The following GRB14 variants were observed in gnomAD, a reference collection of about 807,000 sequenced individuals.
GRB14 encodes the protein growth factor receptor-bound protein 14.
GRB14 carries 38 observed loss-of-function variants against 69.1 expected under a neutral mutation model. The ratio of observed to expected loss-of-function variants is 0.55; its 90% confidence interval spans 0.42 to 0.72. The LOEUF (loss-of-function observed/expected upper bound fraction) is 0.72. Among genes scored for constraint, GRB14 ranks in the 30% least tolerant of loss-of-function variants. The pLI is 0.00. For synonymous variants in GRB14, 247 were observed against 241.3 expected, an observed-to-expected ratio of 1.02 and a Z score of -0.22; for missense variants, 666 against 666.1, an observed-to-expected ratio of 1.00 and a Z score of 0.00.
intron 2 of GRB14, among the ~76,000 whole-genome samples, chr2:164,584,378 T>C (rs1189923055): frequency 6.6e-6 from 1 of 151,892 alleles, no homozygotes; most frequent in Non-Finnish European, 1.5e-5. Flanking sequence ...TTATTTTAAA[T>C]GAAAATCTGT....
chr2:164,618,155 C>T (rs544255843), intron 2 of GRB14, among the ~76,000 whole-genome samples: 4 of 152,066 alleles, frequency 2.6e-5, no homozygotes, highest in South Asian at 2.1e-4. Flanking sequence ...TTAGTGGAGA[C>T]GGGGTTTTAC....
At chr2:164,585,073 C>T (rs1366853907) in intron 2 of GRB14, among the ~76,000 whole-genome samples, 1 of 141,858 alleles carries the variant, frequency 7.0e-6, no homozygotes, top group African/African-American at 2.7e-5. Context: ...CCCTTCATAC[C>T]ACCATGCCTG....
intron 9 of GRB14, among the ~76,000 whole-genome samples, chr2:164,498,842 T>C (rs1054789481): frequency 1.6e-4 from 24 of 152,318 alleles, no homozygotes; most frequent in African/African-American, 5.3e-4. Context: ...CAAACTATGC[T>C]GTAGTGGCCT....
In GRB14 at chr2:164,493,002, C is replaced by A. The variant is rs749742671; in HGVS notation, c.*34G>T. ...TTTATTATTTTTCTTGAGTCCTTTTCCTTCAATAGTTTAATAAGTCACTTC... is the reference window on the plus strand; with the variant it reads ...TTTATTATTTTTCTTGAGTCCTTTTACTTCAATAGTTTAATAAGTCACTTC... On this transcript the variant is annotated 3_prime_UTR_variant, in exon 14 of 14. Transcript: ENST00000263915. 1.0e-5 allele frequency: 16 copies of A among 1,574,356 alleles called. No individual in the cohort carries two copies. The highest frequency in any genetic ancestry group is 1.3e-5 in the Non-Finnish European group (15 of 1,159,496).
chr2:164,612,363 G>A (rs1217423824), intron 2 of GRB14, among the ~76,000 whole-genome samples: 1 of 152,124 alleles, frequency 6.6e-6, no homozygotes, highest in Non-Finnish European at 1.5e-5. Context: ...TATTTTTTCT[G>A]TGGCTTTGAA....
intron 2 of GRB14, among the ~76,000 whole-genome samples, chr2:164,608,526 A>G (rs892235619): frequency 1.4e-4 from 21 of 152,156 alleles, no homozygotes; most frequent in Non-Finnish European, 1.5e-5. Flanking sequence ...GGAACAAAGC[A>G]AAGTAACCCC....
chr2:164,547,688 A>G lies in GRB14; in HGVS notation c.453T>C (p.Leu151=). The change falls in exon 3 of 14, where the codon CTT becomes CTC. Residue 151 remains leucine, a synonymous_variant. Coordinates refer to ENST00000263915, the MANE Select transcript of GRB14 (RefSeq NM_004490.3). ...NHYIDDHSWT[L]FEHLPHIGVE... is the part of the protein sequence containing the mutation. The stretch of plus-strand genomic sequence containing the variant: ...CACCTATGTGAGGCAGGTGCTCAAA[A>G]AGGGTCCAGCTGTGGTCATCAATGT... 6.2e-7 allele frequency: 1 copy of G among 1,613,682 alleles called. No homozygotes were observed. The highest frequency in any genetic ancestry group is 8.5e-7 in the Non-Finnish European group (1 of 1,179,714).
At chr2:164,560,043 A>T (rs1332844829) in intron 2 of GRB14, among the ~76,000 whole-genome samples, 1 of 152,198 alleles carries the variant, frequency 6.6e-6, no homozygotes, top group Non-Finnish European at 1.5e-5. Context: ...CCCATTTCAC[A>T]AATGAAAAAG....
chr2:164,592,317 G>T (rs1689685368), intron 2 of GRB14, among the ~76,000 whole-genome samples: 1 of 152,082 alleles, frequency 6.6e-6, no homozygotes, highest in Non-Finnish European at 1.5e-5. Flanking sequence ...TGTATTTTTA[G>T]TAGAGACAGG....
rs113161996 is a variant in GRB14 at position 164,505,559 on chromosome 2, A to G, written c.1023+2896T>C. Among the ~76,000 whole-genome samples the G allele has an allele frequency of 1.5e-3, 230 of 152,304 alleles. 1 individual carries two copies. Among genetic ancestry groups the G allele is most frequent in the Non-Finnish European group, 2.1e-3 (140 of 68,020 alleles). On this transcript the variant is annotated intron_variant, in intron 8 of 13. Transcript: ENST00000263915. ...TATCTGTGACTCTGAGATGAAAATG[A>G]TTCAGAAAAGCCAGGCTTAGAATAA...
intron 6 of GRB14, among the ~76,000 whole-genome samples, chr2:164,520,605 C>T (rs1687611829): frequency 6.6e-6 from 1 of 152,062 alleles, no homozygotes; most frequent in South Asian, 2.1e-4. Flanking sequence ...GCAATTTCTA[C>T]ATCTGACAAA....
intron 3 of GRB14, among the ~76,000 whole-genome samples, chr2:164,540,395 G>T (rs1688201013): frequency 6.6e-6 from 1 of 152,094 alleles, no homozygotes; most frequent in South Asian, 2.1e-4. Flanking sequence ...TGGATCATGA[G>T]GTCAGGAGTT....
intron 3 of GRB14, among the ~76,000 whole-genome samples, chr2:164,543,367 T>C (rs939659383): frequency 1.3e-5 from 2 of 150,464 alleles, no homozygotes; most frequent in African/African-American, 4.9e-5. Context: ...AAAAAAAGAA[T>C]GAAATCATGT....
intron 2 of GRB14, among the ~76,000 whole-genome samples, chr2:164,588,575 T>G (rs1445101550): frequency 6.6e-6 from 1 of 152,210 alleles, no homozygotes; most frequent in Non-Finnish European, 1.5e-5. Context: ...CAAATATTTA[T>G]GATGTGTAAC....
Position 164,573,044 on chromosome 2 carries a change from C to T in GRB14, c.325-25228G>A, listed in dbSNP as rs1396939874. Among the ~76,000 whole-genome samples, 2 of 152,178 alleles carry T rather than the reference C, an allele frequency of 1.3e-5. 1 individual carries two copies. The highest frequency in any genetic ancestry group is 4.8e-5 in the African/African-American group (2 of 41,442). ...TTATTCCATCAAGCAGCCATCCCTC[C>T]ATATAAATCATATCACTCCCTGTTT... On this transcript the variant is annotated intron_variant, in intron 2 of 13. Coordinates refer to ENST00000263915, the MANE Select transcript of GRB14 (RefSeq NM_004490.3).
intron 2 of GRB14, among the ~76,000 whole-genome samples, chr2:164,581,105 C>G (rs1363571382): frequency 6.6e-6 from 1 of 152,150 alleles, no homozygotes; most frequent in Non-Finnish European, 1.5e-5. Context: ...CATATACAAA[C>G]CACCCATATT....
chr2:164,602,170 G>T (rs1689930740), intron 2 of GRB14, among the ~76,000 whole-genome samples: 1 of 151,166 alleles, frequency 6.6e-6, no homozygotes, highest in Admixed American at 6.6e-5. Flanking sequence ...GGGAAGAGAA[G>T]GGAAGAGAAG....
At chr2:164,511,297 C>T (rs943546131) in intron 6 of GRB14, among the ~76,000 whole-genome samples, 1 of 152,146 alleles carries the variant, frequency 6.6e-6, no homozygotes, top group African/African-American at 2.4e-5. Context: ...GGAGTCCTTG[C>T]ACTACCCTTC....
chr2:164,547,686 A>T lies in GRB14; in HGVS notation c.455T>A (p.Phe152Tyr), dbSNP rs145697477. The change falls in exon 3 of 14, where the codon TTT (phenylalanine) becomes TAT (tyrosine). Residue 152 changes from phenylalanine to tyrosine, a missense_variant. By Grantham distance (22) the Phe-to-Tyr change is conservative. Coordinates refer to ENST00000263915, the MANE Select transcript of GRB14 (RefSeq NM_004490.3). ...TACACCTATGTGAGGCAGGTGCTCAAAAAGGGTCCAGCTGTGGTCATCAAT... is the reference window on the plus strand; with the variant it reads ...TACACCTATGTGAGGCAGGTGCTCATAAAGGGTCCAGCTGTGGTCATCAAT... ...HYIDDHSWTL[F>Y]EHLPHIGVER... is the part of the protein sequence containing the mutation. The T allele has an allele frequency of 1.5e-5, 24 of 1,613,614 alleles. No homozygotes were observed. The highest frequency in any genetic ancestry group is 1.9e-5 in the Non-Finnish European group (23 of 1,179,750).
Sources: gnomAD v4.1 joint callset for allele counts (sites outside exome capture counted in the v4.1 genomes callset) on GRCh38, gnomAD v4.1.1 for gene constraint, MANE v1.5 for transcripts, NCBI Gene and HGNC (gene_info 2026-07-23, HGNC 2026-07-21) for gene names.